GRAMD1C: variants seen among roughly 807,000 people sequenced by gnomAD.
GRAMD1C encodes protein Aster-C.
In GRAMD1C, 89 loss-of-function variants were observed where a neutral mutation model predicts 97.8. The ratio of observed to expected loss-of-function variants is 0.91; its 90% CI spans 0.77 to 1.09. The LOEUF is 1.09. GRAMD1C is among the 50% of genes least tolerant of loss of function. The probability of loss-of-function intolerance (pLI) is 0.00; values close to 1 mark genes in which losing one functional copy is unlikely to be tolerated. For missense variants in GRAMD1C, 740 were observed against 766.4 expected (o/e 0.97, Z 0.41); for synonymous variants, 256 against 267.0 (o/e 0.96, Z 0.40).
At position 113,904,339 on chromosome 3, in the gene GRAMD1C, AATAAGG is replaced by A; in HGVS notation, c.789+71_789+76del. On this transcript the variant is annotated intron_variant, in intron 8 of 17. Transcript: ENST00000358160. The stretch of plus-strand genomic sequence containing the variant: ...CATGTCCTAATCAGAATACAAGATA[AATAAGG>A]ATACAGTATACAAAATGTTAAAAAT... 2.7e-6 allele frequency: 3 copies of A among 1,108,286 alleles called. No homozygotes were observed. In the Admixed American group the frequency reaches 5.7e-5, roughly 21 times the overall value. The allele number at this position is 1,108,286 out of a possible 1,614,324, so 68.7% of individuals were successfully genotyped here.
At chr3:113,849,922 GCTGACCCCCCCACCTCCCT>G (rs1269749907) in intron 2 of GRAMD1C, among the ~76,000 whole-genome samples, 1 of 132,308 alleles carries the variant, frequency 7.6e-6, no homozygotes, top group African/African-American at 2.6e-5. Flanking sequence ...AGGCGGGGGG[GCTGACCCCCCCACCTCCCT>G]CCCGGACGGG....
chr3:113,916,970 A>G (rs1577202502), intron 10 of GRAMD1C, among the ~76,000 whole-genome samples: 1 of 152,022 alleles, frequency 6.6e-6, no homozygotes, highest in East Asian at 1.9e-4. Flanking sequence ...ACCCATCTCT[A>G]CCAAAAAATA....
At chr3:113,921,348 C>T (rs184584226) in intron 10 of GRAMD1C, among the ~76,000 whole-genome samples, 19 of 152,222 alleles carry the variant, frequency 1.2e-4, no homozygotes, top group East Asian at 1.2e-3. Context: ...TCTTTACTAT[C>T]GTGAATAGTG....
At chr3:113,838,963 G>A in intron 1 of GRAMD1C, 27 bp downstream of exon 1, 1 of 1,235,716 alleles carries the variant, frequency 8.1e-7, no homozygotes, top group Non-Finnish European at 1.0e-6. Flanking sequence ...GCTGGGGCAG[G>A]TTCCCATCTG....
At chr3:113,940,104 T>C in intron 16 of GRAMD1C, 108 bp downstream of exon 16, 1 of 860,896 alleles carries the variant, frequency 1.2e-6, no homozygotes, top group Non-Finnish European at 2.0e-6. Flanking sequence ...AACTATCCTG[T>C]AGCCATAAAC....
rs758017272 is a variant in GRAMD1C, at chr3:113,882,786, GTTACCTCAGTATCT to G, written c.498_511del (p.Tyr166Ter). The G allele has an allele frequency of 6.3e-7, 1 of 1,597,180 alleles. No homozygotes were observed. Among genetic ancestry groups the G allele is most frequent in the East Asian group, 2.2e-5 (1 of 44,658 alleles). ...ACATCTTTTGGTGCCAGGGATAGAA[GTTACCTCAGTATCT>G]TTAGGTTGTGGCAGAATGTATTATT... is the stretch of plus-strand genomic sequence containing the variant. On this transcript the variant is annotated frameshift_variant, in exon 6 of 18. Coordinates refer to ENST00000358160, the MANE Select transcript of GRAMD1C (RefSeq NM_017577.5). LOFTEE classifies it high-confidence loss of function.
rs539613336 is a variant in GRAMD1C, at chr3:113,920,849, G to A, written c.1090+5011G>A. ...GAGCCACCACACCTGGCCAAAATTC[G>A]GGGGTCTTTTAAATCTATATTCTTT... On this transcript the variant is annotated intron_variant, in intron 10 of 17. Coordinates refer to ENST00000358160, the MANE Select transcript of GRAMD1C (RefSeq NM_017577.5). 9.9e-5 allele frequency among the ~76,000 whole-genome samples: 15 copies of A among 152,136 alleles called. No homozygotes were observed. The East Asian group carries it at 2.3e-3, about 23-fold the overall frequency.
At chr3:113,905,787 C>A (rs1208525801) in intron 8 of GRAMD1C, among the ~76,000 whole-genome samples, 1 of 151,982 alleles carries the variant, frequency 6.6e-6, no homozygotes, top group African/African-American at 2.4e-5. Context: ...CCTCCGCCTC[C>A]TGGGTTCAAG....
At chr3:113,902,137 T>C (rs1168012908) in intron 7 of GRAMD1C, among the ~76,000 whole-genome samples, 1 of 152,222 alleles carries the variant, frequency 6.6e-6, no homozygotes, top group African/African-American at 2.4e-5. Flanking sequence ...AAAGCTGTTA[T>C]TTAGAAATTC....
At chr3:113,849,917 G>T (rs945815272) in intron 2 of GRAMD1C, among the ~76,000 whole-genome samples, 26 of 132,522 alleles carry the variant, frequency 2.0e-4, no homozygotes, top group Admixed American at 7.6e-4. Flanking sequence ...TGGCCAGGCG[G>T]GGGGGCTGAC....
intron 2 of GRAMD1C, among the ~76,000 whole-genome samples, chr3:113,854,241 T>C (rs1934031014): frequency 6.6e-6 from 1 of 152,026 alleles, no homozygotes; most frequent in Non-Finnish European, 1.5e-5. Flanking sequence ...GGGGAGAGAT[T>C]GGAGCCAGAA....
intron 6 of GRAMD1C, among the ~76,000 whole-genome samples, chr3:113,900,469 G>A (rs1223158729): frequency 7.0e-6 from 1 of 142,498 alleles, no homozygotes; most frequent in African/African-American, 2.5e-5. Context: ...CACCCAGGCT[G>A]GAGTGCAGTG....
intron 10 of GRAMD1C, among the ~76,000 whole-genome samples, chr3:113,921,641 A>G (rs1443524511): frequency 6.6e-6 from 1 of 152,166 alleles, no homozygotes; most frequent in African/African-American, 2.4e-5. Context: ...TGACTTTTTA[A>G]TAATAGCCAT....
In GRAMD1C at chr3:113,924,022, C is replaced by T. The variant is rs565108747; in HGVS notation, c.1091-6692C>T. ...TCAATCTTGGGAGGTTTTATATTTCCAGAAATTTATCCATTTCTTCTAGGT... is the reference window on the plus strand; with the variant it reads ...TCAATCTTGGGAGGTTTTATATTTCTAGAAATTTATCCATTTCTTCTAGGT... On this transcript the variant is annotated intron_variant, in intron 10 of 17. Transcript: ENST00000358160. Among the ~76,000 whole-genome samples, 56 of 149,994 alleles carry T rather than the reference C, an allele frequency of 3.7e-4. No individual in the cohort carries two copies. The South Asian group carries it at 0.012, about 31-fold the overall frequency.
At chr3:113,836,263 C>T (rs140864438), upstream of GRAMD1C, among the ~76,000 whole-genome samples, 149 of 151,798 alleles carry the variant, frequency 9.8e-4, no homozygotes, top group African/African-American at 3.1e-3. Context: ...GACTCTGTCT[C>T]AAAAAAACAA....
At chr3:113,940,789 C>A (rs1220001809) in intron 17 of GRAMD1C, among the ~76,000 whole-genome samples, 1 of 152,156 alleles carries the variant, frequency 6.6e-6, no homozygotes, top group Admixed American at 6.5e-5. Flanking sequence ...ATAAAGCAAA[C>A]CCCCTTAACA....
At chr3:113,829,647 G>A (rs1010320568) in intron 1 of GRAMD1C, among the ~76,000 whole-genome samples, 2 of 152,074 alleles carry the variant, frequency 1.3e-5, no homozygotes, top group African/African-American at 4.8e-5. Flanking sequence ...AGATTTTCAT[G>A]TTTGCTTTAT....
chr3:113,892,317 C>A (rs1577173278), intron 6 of GRAMD1C, among the ~76,000 whole-genome samples: 1 of 151,872 alleles, frequency 6.6e-6, no homozygotes, highest in African/African-American at 2.4e-5. Flanking sequence ...ACTAAAAATA[C>A]AAAAATCAGC....
intron 8 of GRAMD1C, among the ~76,000 whole-genome samples, chr3:113,908,462 A>C (rs1936446479): frequency 6.6e-6 from 1 of 152,058 alleles, no homozygotes; most frequent in Non-Finnish European, 1.5e-5. Context: ...AATTTGTTTT[A>C]ATCTTCTCTC....
Sources: allele counts gnomAD v4.1 joint callset (sites outside exome capture counted in the v4.1 genomes callset), GRCh38; gene constraint gnomAD v4.1.1; transcripts MANE v1.5; gene names NCBI Gene and HGNC (gene_info 2026-07-23, HGNC 2026-07-21).